Variants in PTPN4 observed in about 807,000 individuals in gnomAD.
The protein encoded by PTPN4 is tyrosine-protein phosphatase non-receptor type 4.
In PTPN4, 49 loss-of-function variants were observed where a neutral mutation model predicts 135.5. The observed-to-expected ratio is 0.36, with a 90% CI of 0.29 to 0.46. The LOEUF (loss-of-function observed/expected upper bound fraction) is 0.46. PTPN4 is among the 20% of genes least tolerant of loss of function. The pLI, the probability that PTPN4 is intolerant of heterozygous loss-of-function variation, is 1.00. For synonymous variants in PTPN4, 333 were observed against 369.9 expected (o/e 0.90, Z 1.14); for missense variants, 860 against 1,101.0 (o/e 0.78, Z 3.10).
chr2:119,960,250 A>G (rs1679347812), intron 22 of PTPN4, among the ~76,000 whole-genome samples: 1 of 152,182 alleles, frequency 6.6e-6, no homozygotes, highest in Non-Finnish European at 1.5e-5. Context: ...GTAGTAGGAT[A>G]ATGACTGATG....
At chr2:119,879,053 A>G (rs1227026950) in intron 5 of PTPN4, among the ~76,000 whole-genome samples, 2 of 150,812 alleles carry the variant, frequency 1.3e-5, no homozygotes, top group Non-Finnish European at 1.5e-5. Flanking sequence ...AGATCACGCC[A>G]CTGCACTCCA....
intron 2 of PTPN4, among the ~76,000 whole-genome samples, chr2:119,810,394 G>A (rs563902989): frequency 5.3e-5 from 8 of 152,086 alleles, no homozygotes; most frequent in African/African-American, 1.4e-4. Flanking sequence ...CTTATCTATC[G>A]TCTGAAATAT....
intron 8 of PTPN4, among the ~76,000 whole-genome samples, chr2:119,884,684 A>G (rs1010642000): frequency 6.7e-6 from 1 of 149,134 alleles, no homozygotes; most frequent in Non-Finnish European, 1.5e-5. Context: ...TTGATTATAT[A>G]TATCTATTTG....
chr2:119,843,179 T>C (rs1421537513), intron 2 of PTPN4, among the ~76,000 whole-genome samples: 1 of 152,004 alleles, frequency 6.6e-6, no homozygotes, highest in Non-Finnish European at 1.5e-5. Context: ...TATATTGAGC[T>C]TTTTTAGAAT....
chr2:119,908,536 T>C (rs776737685), intron 10 of PTPN4, among the ~76,000 whole-genome samples: 3 of 152,156 alleles, frequency 2.0e-5, no homozygotes, highest in Admixed American at 1.3e-4. Context: ...GTGATAGATA[T>C]TGTATTGTTT....
intron 26 of PTPN4, among the ~76,000 whole-genome samples, chr2:119,968,461 G>GCTTTC (rs1679476255): frequency 6.6e-6 from 1 of 152,138 alleles, no homozygotes; most frequent in Non-Finnish European, 1.5e-5. Context: ...TGAAATAGCT[G>GCTTTC]TGGTGAAATT....
intron 15 of PTPN4, among the ~76,000 whole-genome samples, chr2:119,940,971 T>G (rs939206449): frequency 3.3e-5 from 5 of 152,190 alleles, no homozygotes; most frequent in African/African-American, 4.8e-5. Flanking sequence ...AATGCTGGCC[T>G]TCTTTGAAAA....
At chr2:119,830,548 A>G (rs1173147023) in intron 2 of PTPN4, among the ~76,000 whole-genome samples, 1 of 152,104 alleles carries the variant, frequency 6.6e-6, no homozygotes, top group African/African-American at 2.4e-5. Context: ...GGCTCAGTGC[A>G]GCCTCAGCCT....
chr2:119,937,009 T>C (rs1678993903), intron 15 of PTPN4, among the ~76,000 whole-genome samples: 1 of 152,172 alleles, frequency 6.6e-6, no homozygotes, highest in Non-Finnish European at 1.5e-5. Flanking sequence ...ATAAATTATC[T>C]CACTGTTCTA....
intron 2 of PTPN4, among the ~76,000 whole-genome samples, chr2:119,829,543 C>T (rs1463311094): frequency 1.3e-5 from 2 of 152,122 alleles, no homozygotes; most frequent in Non-Finnish European, 2.9e-5. Flanking sequence ...TTTACCTAGT[C>T]TAGATATTGG....
intron 2 of PTPN4, among the ~76,000 whole-genome samples, chr2:119,845,017 G>A (rs1290702078): frequency 2.7e-5 from 4 of 149,768 alleles, no homozygotes; most frequent in African/African-American, 4.9e-5. Flanking sequence ...TCGGGAGGCC[G>A]AGGTTGGCGG....
At position 119,860,942 on chromosome 2, in the gene PTPN4, G is replaced by A. The variant is rs541899084; in HGVS notation, c.139-1594G>A. Among the ~76,000 whole-genome samples, 35 of 151,926 alleles carry A rather than the reference G, an allele frequency of 2.3e-4. 1 individual carries two copies. The South Asian group carries it at 7.1e-3, about 31-fold the overall frequency. On this transcript the variant is annotated intron_variant, in intron 2 of 26. Transcript: ENST00000263708. ...TATAATGCTGGCTACTCAGGAGGCT[G>A]AGACAGGAGAATCGCTTGAACGTGG...
intron 1 of PTPN4, 43 bp downstream of exon 1, chr2:119,760,427 G>C (rs1006366617): frequency 2.6e-6 from 1 of 388,638 alleles, no homozygotes; most frequent in Non-Finnish European, 4.5e-6. Flanking sequence ...GGCCCTGCAC[G>C]TTGAACGGGA....
Position 119,855,187 on chromosome 2 carries a change from C to A in PTPN4, c.139-7349C>A, listed in dbSNP as rs529064588. ...TCACGTGCATGTCCTCCCCAGTCTA[C>A]CCTTTCAGTTAAATCTCCATACAAG... On this transcript the variant is annotated intron_variant, in intron 2 of 26. Coordinates refer to ENST00000263708, the MANE Select transcript of PTPN4 (RefSeq NM_002830.4). Among the ~76,000 whole-genome samples, 130 of 152,272 alleles carry A rather than the reference C, an allele frequency of 8.5e-4. No individual in the cohort carries two copies. In the Middle Eastern group the frequency reaches 0.024, roughly 28 times the overall value.
intron 15 of PTPN4, among the ~76,000 whole-genome samples, chr2:119,943,743 T>C (rs1252893066): frequency 2.6e-5 from 4 of 151,864 alleles, no homozygotes; most frequent in Admixed American, 6.6e-5. Flanking sequence ...CCTGCCACCA[T>C]GCCTAGCTAA....
At chr2:119,932,627 G>A in intron 14 of PTPN4, 78 bp downstream of exon 14, 1 of 1,427,522 alleles carries the variant, frequency 7.0e-7, no homozygotes, top group Non-Finnish European at 9.5e-7. Flanking sequence ...TTTTATGCCT[G>A]AAGACAAAGA....
At position 119,971,281 on chromosome 2, in the gene PTPN4, C is replaced by CT. The variant is rs556682862; in HGVS notation, c.2694+3311dup. 4.0e-3 allele frequency among the ~76,000 whole-genome samples: 609 copies of CT among 152,210 alleles called. 1 individual carries two copies. Among genetic ancestry groups the CT allele is most frequent in the Non-Finnish European group, 6.1e-3 (416 of 68,008 alleles). On this transcript the variant is annotated intron_variant, in intron 26 of 26. Coordinates refer to ENST00000263708, the MANE Select transcript of PTPN4 (RefSeq NM_002830.4). ...GCTGCATACTTTCAGACAACTATGT[C>CT]TTGTAGAGAACTCTATCACGAGAAC...
chr2:119,905,054 TAATC>T (rs1045530118), intron 10 of PTPN4, among the ~76,000 whole-genome samples: 5 of 132,472 alleles, frequency 3.8e-5, no homozygotes, highest in African/African-American at 8.3e-5. Flanking sequence ...AAAAAACAAA[TAATC>T]AAGGGAAACA....
chr2:119,855,049 G>C (rs961540515), intron 2 of PTPN4, among the ~76,000 whole-genome samples: 7 of 152,084 alleles, frequency 4.6e-5, no homozygotes, highest in African/African-American at 1.7e-4. Flanking sequence ...CATCCTTGTT[G>C]TATCATAATG....
Sources: gnomAD v4.1 joint callset for allele counts (sites outside exome capture counted in the v4.1 genomes callset) on GRCh38, gnomAD v4.1.1 for gene constraint, MANE v1.5 for transcripts, NCBI Gene and HGNC (gene_info 2026-07-23, HGNC 2026-07-21) for gene names.